Variants in SLC4A10 observed in about 807,000 individuals in gnomAD.
The protein encoded by SLC4A10 is solute carrier family 4 member 10, also known as sodium-driven chloride bicarbonate exchanger.
In SLC4A10, 42 loss-of-function variants were observed where a neutral mutation model predicts 137.7. The observed-to-expected ratio is 0.30, with a 90% CI of 0.24 to 0.39. The LOEUF is 0.39. Ranked by LOEUF, SLC4A10 falls within the 10% of genes least tolerant of loss-of-function variation. The pLI, the probability that SLC4A10 is intolerant of heterozygous loss-of-function variation, is 1.00. For synonymous variants in SLC4A10, 474 were observed against 464.1 expected (o/e 1.02, Z -0.27); for missense variants, 925 against 1,355.0 (o/e 0.68, Z 4.98).
intron 1 of SLC4A10, among the ~76,000 whole-genome samples, chr2:161,769,182 C>G (rs77264852): frequency 2.0e-5 from 3 of 151,888 alleles, no homozygotes; most frequent in Admixed American, 6.6e-5. Context: ...CCTTGAGTGA[C>G]GACATTACAT....
At chr2:161,794,117 G>A (rs924885473) in intron 2 of SLC4A10, among the ~76,000 whole-genome samples, 2 of 152,038 alleles carry the variant, frequency 1.3e-5, no homozygotes, top group Non-Finnish European at 2.9e-5. Context: ...TTTTATCTTA[G>A]GGTTTATAAA....
intron 1 of SLC4A10, among the ~76,000 whole-genome samples, chr2:161,629,149 A>C (rs2105389692): frequency 6.6e-6 from 1 of 152,072 alleles, no homozygotes; most frequent in Admixed American, 6.6e-5. Context: ...TTCCCATATC[A>C]CATAGGACAC....
At chr2:161,711,115 T>G (rs1282575625) in intron 1 of SLC4A10, among the ~76,000 whole-genome samples, 1 of 151,824 alleles carries the variant, frequency 6.6e-6, no homozygotes, top group Non-Finnish European at 1.5e-5. Context: ...ATTAAAGACT[T>G]TTAGAGTGCA....
chr2:161,904,492 A>G (rs980745900), intron 13 of SLC4A10, among the ~76,000 whole-genome samples: 4 of 152,172 alleles, frequency 2.6e-5, no homozygotes, highest in African/African-American at 9.7e-5. Flanking sequence ...TACCCGGGCC[A>G]TGTTTCTGTC....
At chr2:161,644,251 C>A (rs1009115060) in intron 1 of SLC4A10, among the ~76,000 whole-genome samples, 1 of 152,084 alleles carries the variant, frequency 6.6e-6, no homozygotes, top group Non-Finnish European at 1.5e-5. Context: ...ATTCCTAGCA[C>A]TTTGGGAGAC....
At chr2:161,962,519 T>C (rs905302476) in intron 21 of SLC4A10, among the ~76,000 whole-genome samples, 9 of 152,210 alleles carry the variant, frequency 5.9e-5, no homozygotes, top group Admixed American at 5.9e-4. Flanking sequence ...TAATGACTTT[T>C]AAGTTTAAAT....
chr2:161,640,504 T>G (rs2035116849), intron 1 of SLC4A10, among the ~76,000 whole-genome samples: 1 of 152,204 alleles, frequency 6.6e-6, no homozygotes. Context: ...GTCAATTAAC[T>G]CGGTAAACAT....
chr2:161,700,007 A>G lies in SLC4A10; in HGVS notation c.49-70966A>G, dbSNP rs185892889. 7.2e-5 allele frequency among the ~76,000 whole-genome samples: 11 copies of G among 152,314 alleles called. No individual in the cohort carries two copies. In the East Asian group the frequency reaches 2.1e-3, roughly 29 times the overall value. ...TCCACAGAAATTTTGTAACTGATAA[A>G]ATATCCTAGGGTTATTAAATGGCAG... On this transcript the variant is annotated intron_variant, in intron 1 of 26. Transcript: ENST00000446997.
chr2:161,771,546 A>AAACC (rs2051615708), intron 2 of SLC4A10, among the ~76,000 whole-genome samples: 6 of 151,874 alleles, frequency 4.0e-5, no homozygotes, highest in Admixed American at 3.9e-4. Context: ...ATGGGTTCTG[A>AAACC]AACCAGACTG....
At chr2:161,839,410 T>C (rs2059034073) in intron 3 of SLC4A10, among the ~76,000 whole-genome samples, 1 of 152,168 alleles carries the variant, frequency 6.6e-6, no homozygotes, top group Admixed American at 6.5e-5. Context: ...TGATCTACTC[T>C]TCTGAATATT....
At chr2:161,747,383 C>A (rs1013185592) in intron 1 of SLC4A10, among the ~76,000 whole-genome samples, 3 of 152,170 alleles carry the variant, frequency 2.0e-5, no homozygotes, top group Non-Finnish European at 4.4e-5. Context: ...TTTTCCTCCT[C>A]TAAGCATATA....
chr2:161,687,648 C>T (rs967402691), intron 1 of SLC4A10, among the ~76,000 whole-genome samples: 8 of 152,000 alleles, frequency 5.3e-5, no homozygotes, highest in African/African-American at 1.9e-4. Context: ...GCACTGTGTC[C>T]CCACCCAAAT....
chr2:161,831,710 T>C (rs576775449), intron 3 of SLC4A10, among the ~76,000 whole-genome samples: 15 of 152,090 alleles, frequency 9.9e-5, no homozygotes, highest in Non-Finnish European at 2.2e-4. Context: ...CCAAGAATTC[T>C]TTTTTCCCCC....
At chr2:161,827,629 G>C (rs1017395008) in intron 3 of SLC4A10, among the ~76,000 whole-genome samples, 19 of 151,546 alleles carry the variant, frequency 1.3e-4, no homozygotes, top group African/African-American at 4.4e-4. Context: ...AGTGGCGCGC[G>C]ATCTCGGCTC....
chr2:161,849,871 A>G (rs2125834308), intron 4 of SLC4A10, among the ~76,000 whole-genome samples: 1 of 151,950 alleles, frequency 6.6e-6, no homozygotes, highest in African/African-American at 2.4e-5. Flanking sequence ...TTTGTTGTGA[A>G]TCTGCCTGGT....
intron 16 of SLC4A10, among the ~76,000 whole-genome samples, chr2:161,946,719 T>C (rs527543366): frequency 6.6e-6 from 1 of 152,202 alleles, no homozygotes; most frequent in South Asian, 2.1e-4. Context: ...TTGACTTTGC[T>C]GCCACCTCAT....
intron 23 of SLC4A10, among the ~76,000 whole-genome samples, chr2:161,969,339 A>ATGCATG (rs1422463707): frequency 6.6e-6 from 1 of 152,188 alleles, no homozygotes; most frequent in Non-Finnish European, 1.5e-5. Context: ...GCATATGCAT[A>ATGCATG]TGCATATGCT....
At chr2:161,798,281 G>T (rs1051152285) in intron 2 of SLC4A10, among the ~76,000 whole-genome samples, 1 of 151,814 alleles carries the variant, frequency 6.6e-6, no homozygotes, top group Non-Finnish European at 1.5e-5. Flanking sequence ...CTAAATTTCT[G>T]TAGCAACTCA....
intron 1 of SLC4A10, among the ~76,000 whole-genome samples, chr2:161,679,692 T>A (rs2040642537): frequency 6.7e-6 from 1 of 149,934 alleles, no homozygotes; most frequent in African/African-American, 2.5e-5. Context: ...TCAACGTGTG[T>A]GTGTGTGTGT....
Sources: allele counts gnomAD v4.1 joint callset (sites outside exome capture counted in the v4.1 genomes callset), GRCh38; gene constraint gnomAD v4.1.1; transcripts MANE v1.5; gene names NCBI Gene and HGNC (gene_info 2026-07-23, HGNC 2026-07-21).